The following NTM variants were observed in gnomAD, a reference collection of about 807,000 sequenced individuals.
NTM encodes neurotrimin.
NTM carries 13 observed loss-of-function variants against 42.1 expected under a neutral mutation model. That is an observed-to-expected ratio of 0.31 (90% CI 0.20 to 0.49). The LOEUF (loss-of-function observed/expected upper bound fraction) is 0.49, where lower values mean the gene tolerates loss of function less well. Ranked by LOEUF, NTM falls within the 20% of genes least tolerant of loss-of-function variation. The pLI, the probability that NTM is intolerant of heterozygous loss-of-function variation, is 0.99. For missense variants in NTM, 373 were observed against 452.8 expected (o/e 0.82, Z 1.60); for synonymous variants, 187 against 179.2 (o/e 1.04, Z -0.35).
chr11:132,225,132 T>A (rs2085942993), intron 4 of NTM, among the ~76,000 whole-genome samples: 1 of 152,230 alleles, frequency 6.6e-6, no homozygotes, highest in African/African-American at 2.4e-5. Flanking sequence ...ATGAATCATC[T>A]TTTATTCAAT....
intron 1 of NTM, chr11:131,910,755 C>CTT (rs2054711631): frequency 1.2e-6 from 1 of 857,840 alleles, no homozygotes; most frequent in Non-Finnish European, 1.4e-6. Flanking sequence ...GCTCCCGCCG[C>CTT]CCGGCCTCTC....
At chr11:131,414,658 T>C (rs1946759046) in intron 1 of NTM, among the ~76,000 whole-genome samples, 1 of 152,142 alleles carries the variant, frequency 6.6e-6, no homozygotes, top group Admixed American at 6.5e-5. Flanking sequence ...GCATCCCTGG[T>C]TTTTGCAAGT....
At chr11:132,113,222 G>A (rs2063460032) in intron 2 of NTM, among the ~76,000 whole-genome samples, 1 of 152,212 alleles carries the variant, frequency 6.6e-6, no homozygotes, top group African/African-American at 2.4e-5. Flanking sequence ...CCCAGTCTCA[G>A]CGAGGCACTT....
intron 1 of NTM, among the ~76,000 whole-genome samples, chr11:131,878,435 C>T (rs1011568280): frequency 1.3e-5 from 2 of 150,706 alleles, no homozygotes; most frequent in African/African-American, 2.4e-5. Flanking sequence ...ATTTGCTAGG[C>T]ATGGTGGCGC....
At chr11:132,257,042 G>T (rs560148115) in intron 4 of NTM, among the ~76,000 whole-genome samples, 5 of 152,164 alleles carry the variant, frequency 3.3e-5, no homozygotes, top group Non-Finnish European at 7.3e-5. Context: ...AAAGCAACTC[G>T]CTGGCAAAGG....
intron 1 of NTM, among the ~76,000 whole-genome samples, chr11:131,667,530 G>A (rs1470249654): frequency 6.6e-6 from 1 of 152,160 alleles, no homozygotes; most frequent in Non-Finnish European, 1.5e-5. Context: ...CCCCATGACA[G>A]CAGGTGATAC....
rs1438278604 is a variant in NTM at position 131,380,212 on chromosome 11, C to A, written c.82+9324C>A. On this transcript the variant is annotated intron_variant, in intron 1 of 8. Coordinates refer to ENST00000683400, the MANE Select transcript of NTM (RefSeq NM_001352005.2). The stretch of plus-strand genomic sequence containing the variant: ...AAGTTCAGTACCCTTTCCTTTGAGT[C>A]TTTTTTTTTTTTTTTTTTGAGATGG... Among the ~76,000 whole-genome samples, 8 of 124,640 alleles carry A rather than the reference C, an allele frequency of 6.4e-5. No individual in the cohort carries two copies. The East Asian group carries it at 1.8e-3, about 28-fold the overall frequency. The allele number at this position is 124,640 out of a possible 152,430, so 81.8% of individuals were successfully genotyped here.
At chr11:131,669,709 G>T (rs1182991103) in intron 1 of NTM, among the ~76,000 whole-genome samples, 1 of 152,186 alleles carries the variant, frequency 6.6e-6, no homozygotes, top group Admixed American at 6.5e-5. Context: ...AAGGGAGGCA[G>T]CAGGGGAAAG....
At position 131,754,195 on chromosome 11, in the gene NTM, C is replaced by G. The variant is rs541149767; in HGVS notation, c.83-157369C>G. ...ATACCTAATGTTAAATGACGAGTTA[C>G]TGGGTGCAGCACACCAACATGACAC... On this transcript the variant is annotated intron_variant, in intron 1 of 8. Transcript: ENST00000683400. Among the ~76,000 whole-genome samples the G allele has an allele frequency of 1.5e-3, 226 of 146,880 alleles. 1 individual carries two copies. Among genetic ancestry groups the G allele is most frequent in the African/African-American group, 5.5e-3 (218 of 39,880 alleles).
At position 131,849,306 on chromosome 11, in the gene NTM, G is replaced by A. The variant is rs1003875776; in HGVS notation, c.83-62258G>A. ...GAGACTGGGTAATTTATAAAGAAAA[G>A]AGGTTTGATTGGCTCATGATTCTGC... On this transcript the variant is annotated intron_variant, in intron 1 of 8. Transcript: ENST00000683400. Among the ~76,000 whole-genome samples the A allele has an allele frequency of 2.0e-5, 3 of 152,192 alleles. No individual in the cohort carries two copies. In the East Asian group the frequency reaches 5.8e-4, roughly 29 times the overall value.
intron 1 of NTM, among the ~76,000 whole-genome samples, chr11:131,756,742 G>A (rs1441536291): frequency 1.3e-5 from 2 of 152,100 alleles, no homozygotes; most frequent in East Asian, 3.9e-4. Flanking sequence ...AGGAAAAAGA[G>A]GAAATTATGT....
intron 2 of NTM, among the ~76,000 whole-genome samples, chr11:131,971,141 T>C (rs896627508): frequency 6.6e-6 from 1 of 152,212 alleles, no homozygotes; most frequent in African/African-American, 2.4e-5. Context: ...AGCTGCCATA[T>C]TGCTTTTCAA....
intron 1 of NTM, chr11:131,502,897 A>G (rs894226422): frequency 6.6e-6 from 1 of 152,272 alleles, no homozygotes; most frequent in Non-Finnish European, 1.5e-5. Flanking sequence ...TTGGCAGGGC[A>G]GAAGTCATCA....
At chr11:132,277,217 G>C (rs117798680) in intron 4 of NTM, among the ~76,000 whole-genome samples, 2 of 152,154 alleles carry the variant, frequency 1.3e-5, no homozygotes, top group African/African-American at 4.8e-5. Context: ...TTTTTGCCTT[G>C]TTTCTTATAT....
At chr11:131,497,068 A>C (rs1335102260) in intron 1 of NTM, among the ~76,000 whole-genome samples, 1 of 152,190 alleles carries the variant, frequency 6.6e-6, no homozygotes, top group Non-Finnish European at 1.5e-5. Context: ...TTTGGAAGAG[A>C]AAGTCAGCTC....
intron 1 of NTM, among the ~76,000 whole-genome samples, chr11:131,449,244 C>CGG (rs557231914): frequency 6.6e-6 from 1 of 151,246 alleles, no homozygotes; most frequent in Non-Finnish European, 1.5e-5. Flanking sequence ...GAAGGACAGC[C>CGG]GGGGACTGCT....
At chr11:131,874,047 ATAT>A (rs1565659716) in intron 1 of NTM, among the ~76,000 whole-genome samples, 43 of 40,410 alleles carry the variant, frequency 1.1e-3, no homozygotes, top group African/African-American at 6.3e-3. Context: ...ATATATATAT[ATAT>A]ATATATATAT....
intron 7 of NTM, among the ~76,000 whole-genome samples, chr11:132,325,258 C>T (rs1260152608): frequency 2.9e-4 from 44 of 149,750 alleles, no homozygotes; most frequent in African/African-American, 6.5e-4. Context: ...AGAAAATTTT[C>T]GCAACCTACT....
intron 1 of NTM, among the ~76,000 whole-genome samples, chr11:131,483,063 GGTT>G (rs1953783957): frequency 6.6e-6 from 1 of 152,152 alleles, no homozygotes; most frequent in African/African-American, 2.4e-5. Flanking sequence ...AATTGCATCA[GGTT>G]GTTGAAGCAT....
Sources: allele counts gnomAD v4.1 joint callset (sites outside exome capture counted in the v4.1 genomes callset), GRCh38; gene constraint gnomAD v4.1.1; transcripts MANE v1.5; gene names NCBI Gene and HGNC (gene_info 2026-07-23, HGNC 2026-07-21).